RGPD3: variants seen among roughly 807,000 people sequenced by gnomAD.
The protein encoded by RGPD3 is ranBP2-like and GRIP domain-containing protein 3.
A neutral mutation model predicts 154.5 loss-of-function variants in RGPD3; 62 were observed. That is an observed-to-expected ratio of 0.40 (90% CI 0.33 to 0.50). The LOEUF (loss-of-function observed/expected upper bound fraction) is 0.50, where lower values mean the gene tolerates loss of function less well. RGPD3 is among the 20% of genes least tolerant of loss of function. The probability of loss-of-function intolerance (pLI) is 0.59; values close to 1 mark genes in which losing one functional copy is unlikely to be tolerated. For missense variants in RGPD3, 919 were observed against 1,716.8 expected (o/e 0.54, Z 8.21); for synonymous variants, 308 against 607.0 (o/e 0.51, Z 7.24).
rs1678717599 is a variant in RGPD3, at chr2:106,468,397, C to T, written c.-109G>A. 1.9e-5 allele frequency: 29 copies of T among 1,534,182 alleles called. 1 individual carries two copies. The highest frequency in any genetic ancestry group is 7.2e-5 in the South Asian group (6 of 83,542). ...AAAGCCACTGAGGCAGCGGCGTAGC[C>T]GGCGGAGGACCACTGTGACGAACTT... On this transcript the variant is annotated 5_prime_UTR_variant, in exon 1 of 23. Coordinates refer to ENST00000409886, the MANE Select transcript of RGPD3 (RefSeq NM_001144013.2).
intron 1 of RGPD3, among the ~76,000 whole-genome samples, chr2:106,464,773 G>C (rs1457742706): frequency 5.9e-5 from 9 of 152,034 alleles, no homozygotes; most frequent in Non-Finnish European, 8.8e-5. Context: ...ACACAGGCTG[G>C]AGTGCAGTGG....
Position 106,424,565 on chromosome 2 carries a change from G to A in RGPD3, c.3402C>T (p.Ala1134=), listed in dbSNP as rs758457767. ...SGSDRAWMWS[A]SDFSDGDAKL... The stretch of plus-strand genomic sequence containing the variant: ...TGGCATCACCATCAGAGAAATCACT[G>A]GCTGACCACATCCATGCTCTATCTG... The change falls in exon 20 of 23, where the codon GCC becomes GCT. Residue 1134 remains alanine, a synonymous_variant. Transcript: ENST00000409886. 2 of 1,610,294 alleles carry A rather than the reference G, an allele frequency of 1.2e-6. No homozygotes were observed. Among genetic ancestry groups the A allele is most frequent in the Admixed American group, 1.7e-5 (1 of 59,926 alleles).
intron 20 of RGPD3, 108 bp from the exon 21 acceptor site, chr2:106,416,097 G>A: frequency 2.6e-6 from 4 of 1,524,474 alleles, no homozygotes; most frequent in Non-Finnish European, 3.5e-6. Flanking sequence ...ATATTTTATA[G>A]CTCTGCTTTC....
chr2:106,461,826 A>T (rs2104518893), intron 1 of RGPD3, among the ~76,000 whole-genome samples: 1 of 152,116 alleles, frequency 6.6e-6, no homozygotes, highest in South Asian at 2.1e-4. Context: ...GCAAGACTCC[A>T]TCTCAAAAAA....
intron 1 of RGPD3, among the ~76,000 whole-genome samples, chr2:106,464,340 CAAAA>C (rs55851806): frequency 2.8e-5 from 3 of 107,344 alleles, no homozygotes; most frequent in Non-Finnish European, 5.8e-5. Context: ...GACTCCATCT[CAAAA>C]AAAAAAAAAA....
intron 6 of RGPD3, among the ~76,000 whole-genome samples, chr2:106,451,696 T>C (rs967221535): frequency 6.6e-5 from 10 of 151,390 alleles, no homozygotes; most frequent in African/African-American, 2.2e-4. Flanking sequence ...ATTTTCAAAA[T>C]GGAGACACTG....
chr2:106,408,867 G>A (rs1230054179), intron 22 of RGPD3, among the ~76,000 whole-genome samples: 3 of 151,110 alleles, frequency 2.0e-5, no homozygotes, highest in East Asian at 2.0e-4. Flanking sequence ...TAAAATTTTT[G>A]TAGACATAGG....
rs751739055 is a variant in RGPD3, at chr2:106,423,859, C to T, written c.4108G>A (p.Asp1370Asn). 1.9e-6 allele frequency: 3 copies of T among 1,611,998 alleles called. No individual in the cohort carries two copies. In the Admixed American group the frequency reaches 5.0e-5, roughly 27 times the overall value. ...CCCCTTTCTTTCCATTGACCAACAT[C>T]TTTATCATATCTGTAGAATTCTGCC... The part of the protein sequence containing the change: ...HRAEFYRYDK[D>N]VGQWKERGIG... Residue 1370 changes from aspartate (D) to asparagine (N), a missense_variant, in exon 20 of 23, where the codon GAT (aspartate) becomes AAT (asparagine). Physicochemically the swap from Asp to Asn is conservative, Grantham distance 23. Transcript: ENST00000409886.
intron 1 of RGPD3, among the ~76,000 whole-genome samples, chr2:106,464,370 C>A (rs1678499364): frequency 6.7e-6 from 1 of 149,550 alleles, no homozygotes; most frequent in African/African-American, 2.4e-5. Flanking sequence ...AAGAAAATGT[C>A]TAAAATGGGA....
chr2:106,444,723 A>G (rs756640940), intron 7 of RGPD3, among the ~76,000 whole-genome samples: 1 of 150,298 alleles, frequency 6.7e-6, no homozygotes, highest in Admixed American at 6.6e-5. Flanking sequence ...TACCGAGCTG[A>G]GGCTGAAGCA....
chr2:106,440,304 TA>T (rs1282995978), intron 8 of RGPD3, among the ~76,000 whole-genome samples: 19 of 137,018 alleles, frequency 1.4e-4, no homozygotes, highest in Non-Finnish European at 2.7e-4. Flanking sequence ...TTGAACTTTT[TA>T]AAAAAACCCT....
chr2:106,446,840 C>T (rs1401626703), intron 7 of RGPD3, among the ~76,000 whole-genome samples: 1 of 151,816 alleles, frequency 6.6e-6, no homozygotes, highest in Non-Finnish European at 1.5e-5. Context: ...CGAGATCACG[C>T]CACTGCACTC....
At chr2:106,415,151 T>C (rs1676786665) in intron 21 of RGPD3, among the ~76,000 whole-genome samples, 1 of 150,454 alleles carries the variant, frequency 6.6e-6, no homozygotes, top group African/African-American at 2.5e-5. Context: ...CAGGAAAAAC[T>C]TCCCATGCCA....
chr2:106,420,786 T>C (rs1403712211), intron 20 of RGPD3, among the ~76,000 whole-genome samples: 1 of 152,290 alleles, frequency 6.6e-6, no homozygotes, highest in African/African-American at 2.4e-5. Flanking sequence ...TATTTATGTA[T>C]TTATTTGAGA....
intron 21 of RGPD3, among the ~76,000 whole-genome samples, chr2:106,413,576 G>A (rs1676735990): frequency 6.6e-6 from 1 of 152,216 alleles, no homozygotes; most frequent in Non-Finnish European, 1.5e-5. Flanking sequence ...ACCAAGTGTT[G>A]GGCTATATGA....
chr2:106,413,701 A>T (rs1331495507), intron 21 of RGPD3, among the ~76,000 whole-genome samples: 1 of 152,154 alleles, frequency 6.6e-6, no homozygotes, highest in Non-Finnish European at 1.5e-5. Context: ...TCTCACGAGA[A>T]ACAGATGAAG....
chr2:106,406,844 G>A (rs1259587830), intron 22 of RGPD3, among the ~76,000 whole-genome samples: 2 of 152,106 alleles, frequency 1.3e-5, no homozygotes, highest in Non-Finnish European at 2.9e-5. Context: ...TTGACCTTAG[G>A]CAGAGTAGCA....
intron 18 of RGPD3, among the ~76,000 whole-genome samples, chr2:106,428,716 T>C (rs1408787947): frequency 1.3e-5 from 2 of 151,678 alleles, no homozygotes; most frequent in African/African-American, 4.8e-5. Context: ...GCACTACTAC[T>C]ACCATTTCAG....
Position 106,432,971 on chromosome 2 carries a change from T to G in RGPD3, c.2433A>C (p.Leu811Phe), listed in dbSNP as rs962382755. 1.2e-6 allele frequency: 2 copies of G among 1,604,352 alleles called. No homozygotes were observed. Among genetic ancestry groups the G allele is most frequent in the African/African-American group, 2.7e-5 (2 of 73,586 alleles). The change falls in exon 17 of 23, where the codon TTA (leucine) becomes TTC (phenylalanine). Residue 811 changes from leucine (L) to phenylalanine (F), a missense_variant. Physicochemically the swap from Leu to Phe is conservative, Grantham distance 22 (BLOSUM62 0). Coordinates refer to ENST00000409886, the MANE Select transcript of RGPD3 (RefSeq NM_001144013.2). Reference protein sequence around the residue: ...PPRWAEDQNSLLKMIRQEVKA... With the variant: ...PPRWAEDQNSFLKMIRQEVKA... ...TTACTTCTTGGCGAATCATTTTCAGTAAAGAATTCTGATCTTCTGCCCATC... is the reference window on the plus strand; with the variant it reads ...TTACTTCTTGGCGAATCATTTTCAGGAAAGAATTCTGATCTTCTGCCCATC...
Sources: gnomAD v4.1 joint callset for allele counts (sites outside exome capture counted in the v4.1 genomes callset) on GRCh38, gnomAD v4.1.1 for gene constraint, MANE v1.5 for transcripts, NCBI Gene and HGNC (gene_info 2026-07-23, HGNC 2026-07-21) for gene names.